CWF19L2: variants seen among roughly 807,000 people sequenced by gnomAD.
The protein encoded by CWF19L2 is CWF19-like protein 2.
CWF19L2 carries 98 observed loss-of-function variants against 111.7 expected under a neutral mutation model. The ratio of observed to expected loss-of-function variants is 0.88; its 90% CI spans 0.75 to 1.04. CWF19L2 has a LOEUF of 1.04. CWF19L2 is among the 50% of genes least tolerant of loss of function. The pLI, the probability that CWF19L2 is intolerant of heterozygous loss-of-function variation, is 0.00. For synonymous variants in CWF19L2, 351 were observed against 342.9 expected, an observed-to-expected ratio of 1.02 and a Z score of -0.26; for missense variants, 1,101 against 1,051.4, an observed-to-expected ratio of 1.05 and a Z score of -0.65.
rs547550193 is a variant in CWF19L2 at position 107,361,784 on chromosome 11, T to C, written c.1873-8048A>G. On this transcript the variant is annotated intron_variant, in intron 12 of 17. Transcript: ENST00000282251. ...TTCATTCTCAGCTACACTGTTATGGTGTATAGAAATGCTACTGGAAGATGT... is the reference window on the plus strand; with the variant it reads ...TTCATTCTCAGCTACACTGTTATGGCGTATAGAAATGCTACTGGAAGATGT... 5.9e-5 allele frequency among the ~76,000 whole-genome samples: 9 copies of C among 152,300 alleles called. No homozygotes were observed. The South Asian group carries it at 1.0e-3, about 18-fold the overall frequency.
At chr11:107,414,388 T>C (rs987910854) in intron 10 of CWF19L2, among the ~76,000 whole-genome samples, 1 of 152,118 alleles carries the variant, frequency 6.6e-6, no homozygotes, top group Non-Finnish European at 1.5e-5. Context: ...AAATCTGTAA[T>C]GCAGAAGTTG....
chr11:107,444,743 G>A (rs1452320006), intron 3 of CWF19L2, among the ~76,000 whole-genome samples: 1 of 152,138 alleles, frequency 6.6e-6, no homozygotes, highest in Non-Finnish European at 1.5e-5. Flanking sequence ...TCCTTGTATA[G>A]TATTGAACTG....
intron 14 of CWF19L2, among the ~76,000 whole-genome samples, chr11:107,342,701 C>A (rs1860022657): frequency 6.6e-6 from 1 of 152,100 alleles, no homozygotes; most frequent in Non-Finnish European, 1.5e-5. Flanking sequence ...ATATCCAGGT[C>A]CTATTCCCAA....
intron 14 of CWF19L2, among the ~76,000 whole-genome samples, chr11:107,339,662 TC>T (rs1859976887): frequency 6.9e-6 from 1 of 145,362 alleles, no homozygotes; most frequent in Non-Finnish European, 1.5e-5. Context: ...ATGTTGTTTA[TC>T]CCTTTTTTTT....
intron 9 of CWF19L2, among the ~76,000 whole-genome samples, chr11:107,416,916 C>A (rs1430936501): frequency 6.6e-6 from 1 of 152,174 alleles, no homozygotes; most frequent in Non-Finnish European, 1.5e-5. Context: ...TTAACTAATT[C>A]CTCTGTACTT....
intron 12 of CWF19L2, among the ~76,000 whole-genome samples, 168 bp from the exon 13 acceptor site, chr11:107,353,904 C>G (rs1056553692): frequency 2.0e-5 from 3 of 152,070 alleles, no homozygotes; most frequent in African/African-American, 7.2e-5. Flanking sequence ...GTCAATCTAT[C>G]ATCATCATCA....
chr11:107,337,155 T>C lies in CWF19L2; in HGVS notation c.2203-442A>G, dbSNP rs191334583. 3.1e-3 allele frequency among the ~76,000 whole-genome samples: 476 copies of C among 152,310 alleles called. 6 individuals are homozygous for C. The highest frequency in any genetic ancestry group is 2.9e-3 in the Non-Finnish European group (200 of 68,028). ...ATTGTTTTCCTATGCTCATAGCATC[T>C]GCATTTGTTGGTTCCCTATGTCTGC... On this transcript the variant is annotated intron_variant, in intron 14 of 17. Transcript: ENST00000282251.
chr11:107,451,604 G>T (rs953404750), intron 3 of CWF19L2, among the ~76,000 whole-genome samples: 1 of 151,924 alleles, frequency 6.6e-6, no homozygotes, highest in African/African-American at 2.4e-5. Flanking sequence ...GATGAAAGAG[G>T]GGTATCACTA....
intron 10 of CWF19L2, among the ~76,000 whole-genome samples, chr11:107,405,434 G>T (rs1048948769): frequency 2.0e-5 from 3 of 152,130 alleles, no homozygotes; most frequent in African/African-American, 4.8e-5. Context: ...AAAACTTGCA[G>T]TTGCTTAATA....
chr11:107,335,792 T>C (rs1859914325), intron 15 of CWF19L2, among the ~76,000 whole-genome samples: 1 of 152,120 alleles, frequency 6.6e-6, no homozygotes, highest in African/African-American at 2.4e-5. Context: ...ATTTTAAAGA[T>C]AAAATAACAT....
At chr11:107,346,075 T>C (rs1860075541) in intron 14 of CWF19L2, among the ~76,000 whole-genome samples, 1 of 152,176 alleles carries the variant, frequency 6.6e-6, no homozygotes, top group Admixed American at 6.5e-5. Flanking sequence ...AAGGAAACTA[T>C]ACTGCACAAT....
At chr11:107,395,577 C>T (rs1205627702) in intron 10 of CWF19L2, among the ~76,000 whole-genome samples, 2 of 152,090 alleles carry the variant, frequency 1.3e-5, no homozygotes, top group Non-Finnish European at 2.9e-5. Context: ...GATCCTACAC[C>T]ATAGTCTAAA....
intron 12 of CWF19L2, among the ~76,000 whole-genome samples, chr11:107,362,581 T>A (rs911309738): frequency 2.5e-4 from 38 of 151,986 alleles, no homozygotes; most frequent in African/African-American, 8.9e-4. Context: ...CTCACATGGC[T>A]GGGTACTCCA....
chr11:107,400,487 A>C (rs1446305995), intron 10 of CWF19L2, among the ~76,000 whole-genome samples: 3 of 152,174 alleles, frequency 2.0e-5, no homozygotes, highest in African/African-American at 4.8e-5. Flanking sequence ...AATTCCTGGA[A>C]GAATACAACC....
rs184312899 is a variant in CWF19L2, at chr11:107,423,625, A to T, written c.1433+5174T>A. On this transcript the variant is annotated intron_variant, in intron 8 of 17. Transcript: ENST00000282251. Reference sequence around the variant, plus strand: ...CAACTAAGAAACCAAAGAACCAAAGAAAGGTTCTTTAGGATAACGAAGCTA... The same window carrying T: ...CAACTAAGAAACCAAAGAACCAAAGTAAGGTTCTTTAGGATAACGAAGCTA... 1.1e-4 allele frequency among the ~76,000 whole-genome samples: 16 copies of T among 152,110 alleles called. No homozygotes were observed. The East Asian group carries it at 2.7e-3, about 26-fold the overall frequency.
rs563192131 is a variant in CWF19L2, at chr11:107,430,812, A to G, written c.781-1361T>C. On this transcript the variant is annotated intron_variant, in intron 7 of 17. Coordinates refer to ENST00000282251, the MANE Select transcript of CWF19L2 (RefSeq NM_152434.3). ...ATACGATGTACAGTATGAGGACTACAGTTAATAATATCACATTATATACTG... is the reference window on the plus strand; with the variant it reads ...ATACGATGTACAGTATGAGGACTACGGTTAATAATATCACATTATATACTG... Among the ~76,000 whole-genome samples the G allele has an allele frequency of 3.3e-5, 5 of 152,182 alleles. No homozygotes were observed. In the East Asian group the frequency reaches 9.6e-4, roughly 29 times the overall value.
chr11:107,429,268 C>A lies in CWF19L2; in HGVS notation c.964G>T (p.Asp322Tyr). The change falls in exon 8 of 18, where the codon GAT becomes TAT. Residue 322 changes from aspartate to tyrosine, a missense_variant. Asp to Tyr is a radical substitution (Grantham distance 160). Coordinates refer to ENST00000282251, the MANE Select transcript of CWF19L2 (RefSeq NM_152434.3). Reference protein sequence around the residue: ...NSSRDRYATTDTAKNSNNEKF... With the variant: ...NSSRDRYATTYTAKNSNNEKF... ...TCATTATTGCTATTTTTTGCAGTAT[C>A]TGTTGTAGCATATCTATCCCTTGAA... The A allele has an allele frequency of 6.2e-7, 1 of 1,612,916 alleles. No homozygotes were observed. Among genetic ancestry groups the A allele is most frequent in the Non-Finnish European group, 8.5e-7 (1 of 1,179,586 alleles).
chr11:107,416,208 C>T lies in CWF19L2; in HGVS notation c.1617+1G>A, dbSNP rs1354908203. The T allele has an allele frequency of 1.5e-6, 2 of 1,331,178 alleles. No individual in the cohort carries two copies. Among genetic ancestry groups the T allele is most frequent in the African/African-American group, 1.5e-5 (1 of 66,612 alleles). The allele number at this position is 1,331,178 out of a possible 1,614,324, so 82.5% of individuals were successfully genotyped here. Reference sequence around the variant, plus strand: ...ACATTCTCCAAACTTTTATTACTTACCTCTACCCCAGATTTTTTTGGTATC... The same window carrying T: ...ACATTCTCCAAACTTTTATTACTTATCTCTACCCCAGATTTTTTTGGTATC... On this transcript the variant is annotated splice_donor_variant, in intron 10 of 17. Transcript: ENST00000282251. LOFTEE classifies it high-confidence loss of function.
At chr11:107,457,275 G>T (rs752046299) in intron 1 of CWF19L2, among the ~76,000 whole-genome samples, 27 of 152,186 alleles carry the variant, frequency 1.8e-4, no homozygotes, top group Admixed American at 8.5e-4. Context: ...GAGACAGGAG[G>T]AGGAAATGTC....
Sources: allele counts gnomAD v4.1 joint callset (sites outside exome capture counted in the v4.1 genomes callset), GRCh38; gene constraint gnomAD v4.1.1; transcripts MANE v1.5; gene names NCBI Gene and HGNC (gene_info 2026-07-23, HGNC 2026-07-21).